MYO18A: variants seen among roughly 807,000 people sequenced by gnomAD.
MYO18A encodes the protein unconventional myosin-XVIIIa.
A neutral mutation model predicts 235.8 loss-of-function variants in MYO18A; 78 were observed. That is an observed-to-expected ratio of 0.33 (90% CI 0.28 to 0.40). The LOEUF is 0.40. Ranked by LOEUF, MYO18A falls within the 10% of genes least tolerant of loss-of-function variation. The pLI is 1.00. For missense variants in MYO18A, 2,215 were observed against 2,699.3 expected, an observed-to-expected ratio of 0.82 and a Z score of 3.98; for synonymous variants, 977 against 1,077.8, an observed-to-expected ratio of 0.91 and a Z score of 1.83.
rs138390551 is a variant in MYO18A, at chr17:29,162,592, G to A, written c.999+3350C>T. On this transcript the variant is annotated intron_variant, in intron 2 of 41. Transcript: ENST00000527372. ...AGCACCAGGACTGGCCCCTGTGGTTGAGCTTCTCAGAGGGTACTGTCATGG... is the reference window on the plus strand; with the variant it reads ...AGCACCAGGACTGGCCCCTGTGGTTAAGCTTCTCAGAGGGTACTGTCATGG... 2.9e-3 allele frequency among the ~76,000 whole-genome samples: 448 copies of A among 152,328 alleles called. 2 individuals are homozygous for A. The highest frequency in any genetic ancestry group is 9.8e-3 in the African/African-American group (408 of 41,578).
intron 23 of MYO18A, 21 bp downstream of exon 23, chr17:29,098,805 C>T (rs747096902): frequency 6.2e-7 from 1 of 1,613,466 alleles, no homozygotes; most frequent in South Asian, 1.1e-5. Flanking sequence ...AGAGACTTGG[C>T]CCTCTCAGGC....
intron 2 of MYO18A, 82 bp from the exon 3 acceptor site, chr17:29,122,335 G>T: frequency 7.5e-7 from 1 of 1,329,932 alleles, no homozygotes. Flanking sequence ...ACAAGTGAGG[G>T]CATGGGCTTT....
intron 35 of MYO18A, 72 bp downstream of exon 35, chr17:29,090,738 C>T (rs1052631217): frequency 1.0e-5 from 16 of 1,534,980 alleles, no homozygotes; most frequent in South Asian, 4.5e-5. Flanking sequence ...AGCGGTTGTG[C>T]GGGGGACCCA....
rs1366283157 is a variant in MYO18A at position 29,106,257 on chromosome 17, C to G, written c.3441+823G>C. On this transcript the variant is annotated intron_variant, in intron 20 of 41. Transcript: ENST00000527372. The surrounding 1 kb of genome is among the most constrained non-coding windows in gnomAD (Gnocchi z 4.6). ...CTGTGAGAAGGGGGCGTGGGACGGG[C>G]ATCTATGTCCACATGAGGTTGCCCA... Among the ~76,000 whole-genome samples, 1 of 152,122 alleles carries G rather than the reference C, an allele frequency of 6.6e-6. No homozygotes were observed. Among genetic ancestry groups the G allele is most frequent in the Non-Finnish European group, 1.5e-5 (1 of 68,010 alleles).
rs1418562028 is a variant in MYO18A, at chr17:29,074,010, G to A, written c.*760C>T. 13 of 1,613,992 alleles carry A rather than the reference G, an allele frequency of 8.1e-6. No homozygotes were observed. The highest frequency in any genetic ancestry group is 8.5e-6 in the Non-Finnish European group (10 of 1,180,040). On this transcript the variant is annotated 3_prime_UTR_variant, in exon 42 of 42. Coordinates refer to ENST00000527372, the MANE Select transcript of MYO18A (RefSeq NM_078471.4). This position sits in a 1 kb window ranked among gnomAD's most constrained non-coding sequence, Gnocchi z 4.4. Reference sequence around the variant, plus strand: ...ATAACACGCTGAGACAAAGAGGGTGGGGTGGGGGCTGGAGGTGCGGATGGT... The same window carrying A: ...ATAACACGCTGAGACAAAGAGGGTGAGGTGGGGGCTGGAGGTGCGGATGGT...
At chr17:29,179,116 G>A (rs1363633990) in intron 1 of MYO18A, among the ~76,000 whole-genome samples, 1 of 152,142 alleles carries the variant, frequency 6.6e-6, no homozygotes, top group Non-Finnish European at 1.5e-5. Context: ...CCCTAGCCAG[G>A]ACAGTCCCTC....
At position 29,118,532 on chromosome 17, in the gene MYO18A, G is replaced by T; in HGVS notation, c.1830-92C>A. The T allele has an allele frequency of 8.3e-7, 1 of 1,199,342 alleles. No homozygotes were observed. The highest frequency in any genetic ancestry group is 1.2e-6 in the Non-Finnish European group (1 of 838,822). 74.3% of individuals were successfully genotyped at this position (1,199,342 alleles called of 1,614,324 possible). ...TGGAGACAGACAGACTCAGCTTCCA[G>T]ACTCCAAGTTTTGTCTGCCCATCAT... On this transcript the variant is annotated intron_variant, in intron 8 of 41. Transcript: ENST00000527372. The surrounding 1 kb of genome is among the most constrained non-coding windows in gnomAD (Gnocchi z 4.2).
At chr17:29,115,966 G>T in intron 11 of MYO18A, 126 bp from the exon 12 acceptor site, 2 of 1,042,850 alleles carry the variant, frequency 1.9e-6, no homozygotes, top group African/African-American at 1.6e-5. Flanking sequence ...CACCCGATGG[G>T]CTTCAGGCAG....
At chr17:29,080,150 G>A in intron 41 of MYO18A, 1 of 986,028 alleles carries the variant, frequency 1.0e-6, no homozygotes, top group Non-Finnish European at 1.2e-6. Context: ...CGCTCCGGGG[G>A]GTCCAGTTGG....
intron 2 of MYO18A, among the ~76,000 whole-genome samples, chr17:29,136,222 C>T (rs1201441008): frequency 8.6e-6 from 1 of 116,778 alleles, no homozygotes; most frequent in African/African-American, 3.3e-5. Flanking sequence ...CCGAGTGAGA[C>T]CCCATCTCAA....
chr17:29,127,781 G>T, intron 2 of MYO18A: 1 of 899,642 alleles, frequency 1.1e-6, no homozygotes, highest in Non-Finnish European at 1.3e-6. Flanking sequence ...TGGGGAAGCC[G>T]GCTGTGAGGG....
chr17:29,166,408 T>A lies in MYO18A; in HGVS notation c.533A>T (p.Gln178Leu), dbSNP rs1446476548. 6.2e-7 allele frequency: 1 copy of A among 1,613,694 alleles called. No homozygotes were observed. The highest frequency in any genetic ancestry group is 1.3e-5 in the African/African-American group (1 of 74,934). Residue 178 changes from glutamine to leucine, a missense_variant, in exon 2 of 42, where the codon CAG (glutamine) becomes CTG (leucine). Coordinates refer to ENST00000527372, the MANE Select transcript of MYO18A (RefSeq NM_078471.4). ...TCGAGGGATGCCTGGGCCAGGATGCTGCACCAGCTGTCCCTCTAGAGTCCT... is the reference window on the plus strand; with the variant it reads ...TCGAGGGATGCCTGGGCCAGGATGCAGCACCAGCTGTCCCTCTAGAGTCCT... ...EVRTLEGQLV[Q>L]HPGPGIPRPG...
Position 29,094,796 on chromosome 17 carries a change from C to T in MYO18A, c.4564G>A (p.Glu1522Lys), listed in dbSNP as rs1489033408. The change falls in exon 30 of 42, where the codon GAG becomes AAG. Residue 1522 changes from glutamate to lysine, a missense_variant. By Grantham distance (56) the Glu-to-Lys change is moderately conservative. Transcript: ENST00000527372. The stretch of plus-strand genomic sequence containing the variant: ...TCTTGGGAAGAAATGTCCTGGAGCT[C>T]TGCCTCTAGAGACACAACCTTCTGG... ...FTQKVVSLEAELQDISSQESK... is the reference protein window; with the variant it reads ...FTQKVVSLEAKLQDISSQESK... The T allele has an allele frequency of 1.2e-6, 2 of 1,614,052 alleles. No homozygotes were observed. Among genetic ancestry groups the T allele is most frequent in the Non-Finnish European group, 1.7e-6 (2 of 1,179,916 alleles).
chr17:29,109,960 C>A lies in MYO18A; in HGVS notation c.3229G>T (p.Gly1077Ter). Residue 1077 changes from glycine (G) to a stop codon, truncating the protein, a stop_gained, in exon 19 of 42, where the codon GGA (glycine) becomes TGA (stop). Transcript: ENST00000527372. LOFTEE classifies it high-confidence loss of function. The surrounding 1 kb of genome is among the most constrained non-coding windows in gnomAD (Gnocchi z 4.1). ...AGGAGCCCAGCCTCGCAGTGGTCTC[C>A]CGAGGGCAGGTCCAGCTCACTGCTG... ...SSSSELDLPS[G>*]DHCEAGLLQL... The A allele has an allele frequency of 6.2e-7, 1 of 1,609,966 alleles. No individual in the cohort carries two copies. The highest frequency in any genetic ancestry group is 2.2e-5 in the East Asian group (1 of 44,734).
chr17:29,082,941 T>C (rs780458926), intron 40 of MYO18A, among the ~76,000 whole-genome samples: 1 of 152,064 alleles, frequency 6.6e-6, no homozygotes, highest in Admixed American at 6.5e-5. Flanking sequence ...TTCGTAGGAT[T>C]TGGAGTTAGC....
chr17:29,079,972 C>T (rs898813623), intron 41 of MYO18A: 3 of 985,914 alleles, frequency 3.0e-6, no homozygotes, highest in Non-Finnish European at 3.6e-6. Flanking sequence ...CTTGCTCTTC[C>T]GAGAGCGCCC....
Position 29,118,547 on chromosome 17 carries a change from C to T in MYO18A, c.1830-107G>A. 1 of 1,019,482 alleles carries T rather than the reference C, an allele frequency of 9.8e-7. No homozygotes were observed. The highest frequency in any genetic ancestry group is 1.5e-6 in the Non-Finnish European group (1 of 681,216). 63.2% of individuals were successfully genotyped at this position (1,019,482 alleles called of 1,614,324 possible). ...TCAGCTTCCAGACTCCAAGTTTTGT[C>T]TGCCCATCATCCCATCATCCCCAAC... is the stretch of plus-strand genomic sequence containing the variant. On this transcript the variant is annotated intron_variant, in intron 8 of 41. Transcript: ENST00000527372. The surrounding 1 kb of genome is among the most constrained non-coding windows in gnomAD (Gnocchi z 4.2).
At chr17:29,152,833 T>C (rs1045002170) in intron 2 of MYO18A, among the ~76,000 whole-genome samples, 2 of 150,248 alleles carry the variant, frequency 1.3e-5, no homozygotes, top group African/African-American at 4.9e-5. Flanking sequence ...GCGATCCTCC[T>C]GCTTCAGCCT....
At position 29,166,432 on chromosome 17, in the gene MYO18A, C is replaced by G; in HGVS notation, c.509G>C (p.Arg170Thr). 1 of 1,613,832 alleles carries G rather than the reference C, an allele frequency of 6.2e-7. No individual in the cohort carries two copies. Among genetic ancestry groups the G allele is most frequent in the South Asian group, 1.1e-5 (1 of 91,078 alleles). Reference sequence around the variant, plus strand: ...CTGCACCAGCTGTCCCTCTAGAGTCCTCACCTCCACCTGTGGCGAGGGGGC... The same window carrying G: ...CTGCACCAGCTGTCCCTCTAGAGTCGTCACCTCCACCTGTGGCGAGGGGGC... ...SAAPSPQVEV[R>T]TLEGQLVQHP... is the part of the protein sequence containing the mutation. Residue 170 changes from arginine (R) to threonine (T), a missense_variant, in exon 2 of 42, where the codon AGG (arginine) becomes ACG (threonine). Coordinates refer to ENST00000527372, the MANE Select transcript of MYO18A (RefSeq NM_078471.4).
Sources: gnomAD v4.1 joint callset for allele counts (sites outside exome capture counted in the v4.1 genomes callset) on GRCh38, gnomAD v4.1.1 for gene constraint, Gnocchi (gnomAD v3.1) non-coding constraint, MANE v1.5 for transcripts, NCBI Gene and HGNC (gene_info 2026-07-23, HGNC 2026-07-21) for gene names.